ANK1: variants seen among roughly 807,000 people sequenced by gnomAD.
ANK1 encodes the protein ankyrin 1, also known as ankyrin-1.
ANK1 carries 51 observed loss-of-function variants against 210.4 expected under a neutral mutation model. The observed-to-expected ratio is 0.24, with a 90% CI of 0.19 to 0.31. ANK1 has a LOEUF of 0.31. Among genes scored for constraint, ANK1 ranks in the 10% least tolerant of loss-of-function variants. The pLI is 1.00. For synonymous variants in ANK1, 967 were observed against 1,025.9 expected (o/e 0.94, Z 1.10); for missense variants, 2,051 against 2,504.4 (o/e 0.82, Z 3.86).
At chr8:41,669,009 G>A (rs570675) in intron 38 of ANK1, among the ~76,000 whole-genome samples, 81,662 of 151,302 alleles carry the variant, frequency 0.54, 22,428 homozygotes, top group East Asian at 0.64. Context: ...ACATTCTCCC[G>A]TGGCTCCTGG....
chr8:41,868,175 G>A (rs1424520795), intron 1 of ANK1, among the ~76,000 whole-genome samples: 1 of 152,218 alleles, frequency 6.6e-6, no homozygotes, highest in Non-Finnish European at 1.5e-5. Context: ...AGGTTTTAAT[G>A]ATAAAAGCAT....
At chr8:41,842,321 G>T (rs888092044) in intron 1 of ANK1, among the ~76,000 whole-genome samples, 1 of 152,020 alleles carries the variant, frequency 6.6e-6, no homozygotes, top group African/African-American at 2.4e-5. Flanking sequence ...TGAAACCCCC[G>T]TCTCTACTAA....
intron 11 of ANK1, 122 bp downstream of exon 11, chr8:41,717,983 AG>A: frequency 1.1e-6 from 1 of 935,316 alleles, no homozygotes; most frequent in Non-Finnish European, 1.7e-6. Context: ...TCCTTCCAGC[AG>A]TCCAGACTTG....
At chr8:41,714,309 A>C in intron 15 of ANK1, 55 bp from the exon 16 acceptor site, 1 of 1,386,782 alleles carries the variant, frequency 7.2e-7, no homozygotes, top group Admixed American at 2.2e-5. Flanking sequence ...ACTTTCTCCC[A>C]GGACTCCCTT....
intron 16 of ANK1, among the ~76,000 whole-genome samples, chr8:41,709,745 G>C (rs1825648904): frequency 6.6e-6 from 1 of 152,144 alleles, no homozygotes; most frequent in African/African-American, 2.4e-5. Context: ...GACCAGCCTG[G>C]GCAACATAGC....
At chr8:41,778,280 G>T (rs1004968984) in intron 1 of ANK1, among the ~76,000 whole-genome samples, 1 of 152,214 alleles carries the variant, frequency 6.6e-6, no homozygotes, top group Non-Finnish European at 1.5e-5. Context: ...TAAGATAATA[G>T]CTCAAGAGAT....
chr8:41,823,805 A>C (rs1804878386), intron 1 of ANK1, among the ~76,000 whole-genome samples: 1 of 152,146 alleles, frequency 6.6e-6, no homozygotes, highest in Admixed American at 6.5e-5. Flanking sequence ...CACTGCCCAC[A>C]CAGTGAAGTC....
At chr8:41,764,157 G>A (rs898703999) in intron 1 of ANK1, among the ~76,000 whole-genome samples, 6 of 88,720 alleles carry the variant, frequency 6.8e-5, no homozygotes, top group Admixed American at 3.0e-4. Flanking sequence ...GTTATAAAGC[G>A]GTCATGTGCA....
At chr8:41,833,275 C>G (rs1054559980) in intron 1 of ANK1, among the ~76,000 whole-genome samples, 3 of 152,220 alleles carry the variant, frequency 2.0e-5, no homozygotes, top group Admixed American at 1.3e-4. Flanking sequence ...AGGTCTCCCC[C>G]AGTCACCCCT....
intron 1 of ANK1, among the ~76,000 whole-genome samples, chr8:41,866,991 T>A (rs1814582389): frequency 6.6e-6 from 1 of 152,222 alleles, no homozygotes; most frequent in Non-Finnish European, 1.5e-5. Context: ...AATTGCTGGA[T>A]CATATGGTGA....
intron 1 of ANK1, among the ~76,000 whole-genome samples, chr8:41,772,944 T>C (rs776179860): frequency 8.6e-5 from 13 of 151,378 alleles, no homozygotes; most frequent in Admixed American, 2.0e-4. Context: ...CCCTGGGGAG[T>C]GTGTCAGCCA....
chr8:41,895,056 A>G (rs992239456), intron 1 of ANK1, among the ~76,000 whole-genome samples: 7 of 152,126 alleles, frequency 4.6e-5, no homozygotes, highest in African/African-American at 1.7e-4. Flanking sequence ...ATCAGAGAGC[A>G]TCTCTAGGAA....
chr8:41,765,947 T>C (rs1841687532), intron 1 of ANK1, among the ~76,000 whole-genome samples: 3 of 152,112 alleles, frequency 2.0e-5, no homozygotes, highest in Admixed American at 2.0e-4. Context: ...TCACACCTTC[T>C]CTGGGGGTTG....
chr8:41,671,740 C>T (rs1302994674), intron 38 of ANK1, among the ~76,000 whole-genome samples: 2 of 148,420 alleles, frequency 1.3e-5, no homozygotes, highest in Non-Finnish European at 3.0e-5. Context: ...CTAAGTAAGC[C>T]CTCCCAGTGC....
intron 1 of ANK1, among the ~76,000 whole-genome samples, chr8:41,764,658 C>T (rs1453657716): frequency 6.6e-6 from 1 of 152,226 alleles, no homozygotes; most frequent in Non-Finnish European, 1.5e-5. Context: ...AAGCTGTCTT[C>T]TGGTGTCTCT....
intron 16 of ANK1, among the ~76,000 whole-genome samples, chr8:41,709,534 T>C (rs939945358): frequency 6.6e-6 from 1 of 152,264 alleles, no homozygotes; most frequent in Non-Finnish European, 1.5e-5. Context: ...TCCTTCTGTA[T>C]CTTTTAAGTC....
chr8:41,698,450 G>GCT, intron 23 of ANK1, among the ~76,000 whole-genome samples: 1 of 152,328 alleles, frequency 6.6e-6, no homozygotes, highest in Non-Finnish European at 1.5e-5. Context: ...CAGGGTTACA[G>GCT]CTCTGTATTT....
At chr8:41,676,799 A>C (rs1230446454) in intron 37 of ANK1, among the ~76,000 whole-genome samples, 1 of 152,190 alleles carries the variant, frequency 6.6e-6, no homozygotes, top group Non-Finnish European at 1.5e-5. Context: ...TTTTTGCATA[A>C]ATGTTCATAA....
rs749966026 is a variant in ANK1, at chr8:41,655,668, C to T, written c.*122G>A. The T allele has an allele frequency of 1.2e-5, 19 of 1,587,452 alleles. No homozygotes were observed. The highest frequency in any genetic ancestry group is 6.6e-5 in the South Asian group (6 of 90,452). On this transcript the variant is annotated 3_prime_UTR_variant, in exon 43 of 43. Transcript: ENST00000289734. ...CGTCAGCCCAGAGGAATGTGTGCAC[C>T]GCTGCGGTGGCCCTCAGGTCCAGCT...
Sources: gnomAD v4.1 joint callset for allele counts (sites outside exome capture counted in the v4.1 genomes callset) on GRCh38, gnomAD v4.1.1 for gene constraint, MANE v1.5 for transcripts, NCBI Gene and HGNC (gene_info 2026-07-23, HGNC 2026-07-21) for gene names.